The following POLE2 variants were observed in gnomAD, a reference collection of about 807,000 sequenced individuals.
The protein encoded by POLE2 is DNA polymerase epsilon subunit 2.
Under a neutral mutation model 79.4 loss-of-function variants are expected in POLE2, and 56 were observed. That is an observed-to-expected ratio of 0.71 (90% confidence interval 0.57 to 0.88). The LOEUF is 0.88. POLE2 is among the 40% of genes least tolerant of loss of function. POLE2 has a pLI of 0.00. For synonymous variants in POLE2, 212 were observed against 214.0 expected (o/e 0.99, Z 0.08); for missense variants, 598 against 638.9 (o/e 0.94, Z 0.69).
At chr14:49,669,968 C>T (rs1885757080) in intron 5 of POLE2, among the ~76,000 whole-genome samples, 1 of 152,058 alleles carries the variant, frequency 6.6e-6, no homozygotes, top group Non-Finnish European at 1.5e-5. Context: ...CACTGAACAA[C>T]AGCCCAGATG....
At chr14:49,645,017 G>A (rs1377142921) in intron 18 of POLE2, among the ~76,000 whole-genome samples, 1 of 139,644 alleles carries the variant, frequency 7.2e-6, no homozygotes, top group Non-Finnish European at 1.5e-5. Context: ...ACTCTAGCCT[G>A]GGCAACAGAG....
rs748091749 is a variant in POLE2, at chr14:49,665,175, AAAAT to A, written c.577-16_577-13del. ...AGAAAAAATTTTCCCTAAAAAAATG[AAAAT>A]AAATAAATCCACATTTATGTAACAA... is the stretch of plus-strand genomic sequence containing the variant. On this transcript the variant is annotated splice_polypyrimidine_tract_variant and intron_variant, in intron 7 of 18. Transcript: ENST00000216367. 6.8e-5 allele frequency: 78 copies of A among 1,145,838 alleles called. No homozygotes were observed. In the African/African-American group the frequency reaches 9.9e-4, roughly 15 times the overall value. 71.0% of individuals were successfully genotyped at this position (1,145,838 alleles called of 1,614,324 possible). A position where few individuals can be genotyped will look rare whatever the true frequency, so the allele number is the denominator to read the frequency against.
Position 49,650,388 on chromosome 14 carries a change from G to A in POLE2, c.1374C>T (p.Val458=). The A allele has an allele frequency of 6.3e-7, 1 of 1,583,750 alleles. No individual in the cohort carries two copies. Among genetic ancestry groups the A allele is most frequent in the East Asian group, 2.3e-5 (1 of 43,758 alleles). The stretch of plus-strand genomic sequence containing the variant: ...AGTCATATGCCCAATACACTGGGCA[G>A]ACATAAAGAGGTAGGGGAGTCAGAT... ...QGHLTPLPLY[V]CPVYWAYDYA... Residue 458 remains valine, a synonymous_variant, in exon 17 of 19, where the codon GTC becomes GTT. Transcript: ENST00000216367.
Position 49,664,684 on chromosome 14 carries a change from A to C in POLE2, c.634-10T>G, listed in dbSNP as rs771811396. Reference sequence around the variant, plus strand: ...AACCACTATGGAACTGGTACACAACAGTTGAGGAAAATAATTCTATTCTTG... The same window carrying C: ...AACCACTATGGAACTGGTACACAACCGTTGAGGAAAATAATTCTATTCTTG... On this transcript the variant is annotated splice_polypyrimidine_tract_variant and intron_variant, in intron 8 of 18. Transcript: ENST00000216367. 6.5e-7 allele frequency: 1 copy of C among 1,549,422 alleles called. No individual in the cohort carries two copies. The highest frequency in any genetic ancestry group is 8.9e-7 in the Non-Finnish European group (1 of 1,122,406).
chr14:49,680,885 C>T (rs370768631), intron 2 of POLE2, among the ~76,000 whole-genome samples: 73 of 152,184 alleles, frequency 4.8e-4, no homozygotes, highest in African/African-American at 1.7e-3. Flanking sequence ...CCCGCCTCAG[C>T]CTCCCAAAAT....
chr14:49,678,908 T>C (rs1273027050), intron 3 of POLE2, among the ~76,000 whole-genome samples: 2 of 152,028 alleles, frequency 1.3e-5, no homozygotes, highest in African/African-American at 4.8e-5. Flanking sequence ...CCAGCCACCT[T>C]GGCCTCCCAA....
chr14:49,659,278 T>C (rs1374729064), intron 10 of POLE2, among the ~76,000 whole-genome samples: 2 of 149,942 alleles, frequency 1.3e-5, no homozygotes, highest in Non-Finnish European at 3.0e-5. Flanking sequence ...TTTTTTTTAA[T>C]TAGCAGTCTT....
intron 3 of POLE2, among the ~76,000 whole-genome samples, chr14:49,676,308 C>T (rs1208132085): frequency 3.9e-5 from 6 of 152,228 alleles, no homozygotes; most frequent in South Asian, 4.1e-4. Flanking sequence ...GTTTATCTCC[C>T]AAATTGAAAA....
At chr14:49,655,385 T>C (rs1884580352) in intron 11 of POLE2, among the ~76,000 whole-genome samples, 1 of 151,816 alleles carries the variant, frequency 6.6e-6, no homozygotes, top group African/African-American at 2.4e-5. Context: ...TGTTTTTGTT[T>C]AGAGATGGGG....
At chr14:49,679,513 C>T in intron 3 of POLE2, 1 of 497,070 alleles carries the variant, frequency 2.0e-6, no homozygotes, top group Non-Finnish European at 3.6e-6. Flanking sequence ...GTACAAGCAA[C>T]ACTGTAACCT....
chr14:49,665,298 C>T lies in POLE2; in HGVS notation c.577-135G>A, dbSNP rs1664871319. 5.1e-6 allele frequency: 3 copies of T among 589,792 alleles called. No homozygotes were observed. In the South Asian group the frequency reaches 6.1e-5, roughly 12 times the overall value. The allele number at this position is 589,792 out of a possible 1,614,324, so 36.5% of individuals were successfully genotyped here. On this transcript the variant is annotated intron_variant, in intron 7 of 18. Coordinates refer to ENST00000216367, the MANE Select transcript of POLE2 (RefSeq NM_002692.4). Reference sequence around the variant, plus strand: ...TTAAAAATCAGCTATTATTTCTAGTCCAGGCTCTTCCATTTACTAGTCTGA... The same window carrying T: ...TTAAAAATCAGCTATTATTTCTAGTTCAGGCTCTTCCATTTACTAGTCTGA...
At position 49,647,305 on chromosome 14, in the gene POLE2, G is replaced by T; in HGVS notation, c.1553C>A (p.Thr518Lys). ...SFKVFYPSNK[T>K]VEDSKLQGF is the part of the protein sequence containing the mutation. The stretch of plus-strand genomic sequence containing the variant: ...TGCACACACTTACCTATCTTCTACT[G>T]TCTTATTAGAAGGATAAAAAACTTT... The change falls in exon 18 of 19, where the codon ACA (threonine) becomes AAA (lysine). Residue 518 changes from threonine (T) to lysine (K), a missense_variant. Thr to Lys is a moderately conservative substitution (Grantham distance 78). Coordinates refer to ENST00000216367, the MANE Select transcript of POLE2 (RefSeq NM_002692.4). 1.3e-6 allele frequency: 2 copies of T among 1,545,694 alleles called. No individual in the cohort carries two copies. The highest frequency in any genetic ancestry group is 1.8e-6 in the Non-Finnish European group (2 of 1,131,582).
intron 6 of POLE2, 52 bp downstream of exon 6, chr14:49,669,472 A>C (rs1284361478): frequency 1.2e-6 from 1 of 860,856 alleles, no homozygotes; most frequent in African/African-American, 1.7e-5. Context: ...TAAGCAACAA[A>C]TATTAAACTT....
chr14:49,684,169 A>C (rs1886938995), intron 1 of POLE2, among the ~76,000 whole-genome samples: 1 of 152,198 alleles, frequency 6.6e-6, no homozygotes, highest in Admixed American at 6.5e-5. Flanking sequence ...AAATAAGAAA[A>C]AAAATAGGCT....
chr14:49,663,171 T>C (rs1885207393), intron 10 of POLE2, 144 bp downstream of exon 10: 1 of 402,198 alleles, frequency 2.5e-6, no homozygotes. Context: ...AAACCCAGTC[T>C]TCTAATTCTC....
chr14:49,649,424 G>C (rs946026988), intron 17 of POLE2, among the ~76,000 whole-genome samples: 13 of 150,120 alleles, frequency 8.7e-5, no homozygotes, highest in African/African-American at 3.2e-4. Flanking sequence ...GGGATTACAG[G>C]CGTGAGCCAC....
chr14:49,681,961 G>A (rs933420770), intron 2 of POLE2: 2 of 151,428 alleles, frequency 1.3e-5, no homozygotes, highest in African/African-American at 4.9e-5. Flanking sequence ...AGAAAAAAAT[G>A]ACCATCTTTT....
At chr14:49,673,241 C>T (rs999546291) in intron 5 of POLE2, among the ~76,000 whole-genome samples, 5 of 152,106 alleles carry the variant, frequency 3.3e-5, no homozygotes, top group Non-Finnish European at 7.3e-5. Flanking sequence ...TCTCACACTC[C>T]AAGTCATCCC....
intron 10 of POLE2, among the ~76,000 whole-genome samples, chr14:49,658,303 C>T (rs569435584): frequency 1.1e-4 from 16 of 152,218 alleles, no homozygotes; most frequent in African/African-American, 3.9e-4. Context: ...GTCTCGATCT[C>T]CTGACCTCGT....
Sources: allele counts gnomAD v4.1 joint callset (sites outside exome capture counted in the v4.1 genomes callset), GRCh38; gene constraint gnomAD v4.1.1; transcripts MANE v1.5; gene names NCBI Gene and HGNC (gene_info 2026-07-23, HGNC 2026-07-21).